Variants in MACROD2 observed in about 807,000 individuals in gnomAD.
MACROD2 encodes the protein mono-ADP ribosylhydrolase 2.
Under a neutral mutation model 70.4 loss-of-function variants are expected in MACROD2, and 36 were observed. That is an observed-to-expected ratio of 0.51 (90% CI 0.39 to 0.68). The LOEUF (loss-of-function observed/expected upper bound fraction) is 0.68, where lower values mean the gene tolerates loss of function less well. Among genes scored for constraint, MACROD2 ranks in the 30% least tolerant of loss-of-function variants. MACROD2 has a pLI of 0.00. For synonymous variants in MACROD2, 172 were observed against 178.8 expected (o/e 0.96, Z 0.30); for missense variants, 496 against 538.4 (o/e 0.92, Z 0.78).
At chr20:14,337,328 A>G (rs551747281) in intron 3 of MACROD2, 35 of 327,592 alleles carry the variant, frequency 1.1e-4, no homozygotes, top group African/African-American at 6.8e-4. Context: ...CATAGTATCA[A>G]GTCGTTTCTT....
chr20:14,986,721 C>A (rs866597188), intron 5 of MACROD2, among the ~76,000 whole-genome samples: 2 of 152,070 alleles, frequency 1.3e-5, no homozygotes, highest in African/African-American at 4.8e-5. Context: ...AGGTAGTGGG[C>A]GATGGGGGAG....
chr20:16,032,909 T>C, intron 15 of MACROD2, among the ~76,000 whole-genome samples: 1 of 151,952 alleles, frequency 6.6e-6, no homozygotes, highest in Admixed American at 6.6e-5. Context: ...GGACACCCTA[T>C]CTACTAAGAG....
intron 6 of MACROD2, among the ~76,000 whole-genome samples, chr20:15,293,385 A>G (rs532588531): frequency 3.3e-5 from 5 of 152,368 alleles, no homozygotes; most frequent in Admixed American, 6.5e-5. Flanking sequence ...CTGCTTAAAT[A>G]TAGAGTTTTT....
intron 8 of MACROD2, among the ~76,000 whole-genome samples, chr20:15,773,078 A>G (rs2051664130): frequency 6.6e-6 from 1 of 152,070 alleles, no homozygotes; most frequent in Non-Finnish European, 1.5e-5. Flanking sequence ...TGATGCAGAG[A>G]TAGTAAAAGC....
intron 5 of MACROD2, among the ~76,000 whole-genome samples, chr20:14,726,609 A>G (rs1360923240): frequency 6.6e-6 from 1 of 152,166 alleles, no homozygotes; most frequent in Non-Finnish European, 1.5e-5. Context: ...TGCCCTAATC[A>G]CTTTACAAAA....
intron 6 of MACROD2, among the ~76,000 whole-genome samples, chr20:15,257,240 G>A (rs1473807364): frequency 2.0e-5 from 3 of 151,936 alleles, no homozygotes; most frequent in Admixed American, 1.3e-4. Flanking sequence ...TATGTCATGC[G>A]AAATGAATGT....
intron 8 of MACROD2, among the ~76,000 whole-genome samples, chr20:15,510,172 G>A (rs1288204020): frequency 6.6e-6 from 1 of 152,204 alleles, no homozygotes; most frequent in Non-Finnish European, 1.5e-5. Context: ...GAAATTAAAT[G>A]TGCTGATTAT....
intron 15 of MACROD2, among the ~76,000 whole-genome samples, chr20:16,033,873 G>C (rs1001479728): frequency 1.3e-5 from 2 of 151,782 alleles, no homozygotes; most frequent in Admixed American, 1.3e-4. Flanking sequence ...GGGGGAGAAA[G>C]AGAAAGGGAG....
rs1420527411 is a variant in MACROD2, at chr20:15,001,044, TG to T, written c.419-228894del. 2.6e-5 allele frequency among the ~76,000 whole-genome samples: 4 copies of T among 152,336 alleles called. No individual in the cohort carries two copies. In the South Asian group the frequency reaches 8.3e-4, roughly 32 times the overall value. ...GGGGAATGAGAAGACATGAATGGTC[TG>T]GTAAATGCTGTTGATTATGAAATCC... On this transcript the variant is annotated intron_variant, in intron 5 of 17. Transcript: ENST00000684519.
intron 6 of MACROD2, among the ~76,000 whole-genome samples, chr20:15,283,250 G>C (rs1265662944): frequency 2.6e-5 from 4 of 152,166 alleles, no homozygotes; most frequent in Non-Finnish European, 5.9e-5. Context: ...TCTTGAACCT[G>C]AAATAATTTT....
chr20:15,978,844 G>A (rs899029705), intron 13 of MACROD2, among the ~76,000 whole-genome samples: 3 of 152,190 alleles, frequency 2.0e-5, no homozygotes, highest in South Asian at 2.1e-4. Flanking sequence ...TGGGAAAACC[G>A]AAATATTTTG....
intron 6 of MACROD2, among the ~76,000 whole-genome samples, chr20:15,378,208 CA>C (rs200056467): frequency 0.019 from 2,716 of 143,736 alleles, 86 homozygotes; most frequent in African/African-American, 0.065. Context: ...AGCATGGGGC[CA>C]GGGGGATTCG....
intron 3 of MACROD2, among the ~76,000 whole-genome samples, chr20:14,151,564 C>T (rs1250240142): frequency 2.0e-5 from 3 of 152,098 alleles, no homozygotes; most frequent in Non-Finnish European, 2.9e-5. Context: ...CAGCCGCTTA[C>T]TGTAAAGAAT....
intron 4 of MACROD2, among the ~76,000 whole-genome samples, chr20:14,524,781 C>G (rs1367889235): frequency 6.6e-6 from 1 of 152,178 alleles, no homozygotes; most frequent in Non-Finnish European, 1.5e-5. Context: ...TTAACCTTCT[C>G]GCTAGCTTCC....
intron 5 of MACROD2, among the ~76,000 whole-genome samples, chr20:15,229,552 C>T (rs750047028): frequency 6.6e-6 from 1 of 152,090 alleles, no homozygotes; most frequent in Admixed American, 6.6e-5. Context: ...CTTCCCGTGC[C>T]AATCCAGATG....
intron 8 of MACROD2, among the ~76,000 whole-genome samples, chr20:15,519,108 TTCC>T (rs1568863456): frequency 2.7e-5 from 4 of 148,604 alleles, no homozygotes; most frequent in African/African-American, 9.9e-5. Flanking sequence ...CCTTCCTTCC[TTCC>T]TTCCTTCCTT....
intron 5 of MACROD2, among the ~76,000 whole-genome samples, chr20:15,183,304 G>A (rs190274593): frequency 2.5e-4 from 38 of 152,180 alleles, no homozygotes; most frequent in Middle Eastern, 3.4e-3. Context: ...GGAGGCTGAC[G>A]CAGGAGGATC....
chr20:14,614,367 A>G (rs186304470), intron 4 of MACROD2, among the ~76,000 whole-genome samples: 98 of 152,094 alleles, frequency 6.4e-4, no homozygotes, highest in African/African-American at 2.2e-3. Flanking sequence ...CATTAGAATC[A>G]CCTGGGGAGT....
chr20:14,863,957 A>G (rs1417511497), intron 5 of MACROD2, among the ~76,000 whole-genome samples: 1 of 151,990 alleles, frequency 6.6e-6, no homozygotes. Context: ...CTTCCCTCAA[A>G]TCTGTATTTT....
Sources: gnomAD v4.1 joint callset for allele counts (sites outside exome capture counted in the v4.1 genomes callset) on GRCh38, gnomAD v4.1.1 for gene constraint, MANE v1.5 for transcripts, NCBI Gene and HGNC (gene_info 2026-07-23, HGNC 2026-07-21) for gene names.